The following AGBL2 variants were observed in gnomAD, a reference collection of about 807,000 sequenced individuals.
The protein encoded by AGBL2 is cytosolic carboxypeptidase 2.
A neutral mutation model predicts 103.0 loss-of-function variants in AGBL2; 87 were observed. The ratio of observed to expected loss-of-function variants is 0.84; its 90% CI spans 0.71 to 1.01. The LOEUF (loss-of-function observed/expected upper bound fraction) is 1.01. AGBL2 is among the 50% of genes least tolerant of loss of function. AGBL2 has a pLI of 0.00. For missense variants in AGBL2, 904 were observed against 1,023.5 expected, an observed-to-expected ratio of 0.88 and a Z score of 1.59; for synonymous variants, 335 against 356.7, an observed-to-expected ratio of 0.94 and a Z score of 0.69.
chr11:47,683,770 C>A lies in AGBL2; in HGVS notation c.1789-1675G>T, dbSNP rs762774971. ...TGGGAGACAGAGTGAGACTCCATCT[C>A]AAAAAAAAAAAAAATTAAAATACTT... On this transcript the variant is annotated intron_variant, in intron 11 of 18. Transcript: ENST00000525123. Among the ~76,000 whole-genome samples, 498 of 127,550 alleles carry A rather than the reference C, an allele frequency of 3.9e-3. 2 individuals carry two copies. Among genetic ancestry groups the A allele is most frequent in the Non-Finnish European group, 5.9e-3 (352 of 59,810 alleles). The allele number at this position is 127,550 out of a possible 152,430, so 83.7% of individuals were successfully genotyped here.
chr11:47,693,176 C>CT (rs528422267), intron 8 of AGBL2, among the ~76,000 whole-genome samples: 17 of 151,028 alleles, frequency 1.1e-4, no homozygotes, highest in African/African-American at 3.4e-4. Flanking sequence ...TCCTTCCTTC[C>CT]TTTTTTTGAC....
intron 7 of AGBL2, among the ~76,000 whole-genome samples, chr11:47,700,974 T>C (rs2097496483): frequency 1.3e-5 from 2 of 150,312 alleles, no homozygotes; most frequent in African/African-American, 4.9e-5. Flanking sequence ...CAGAATTGCT[T>C]GAACCCAGGA....
chr11:47,667,633 G>A lies in AGBL2; in HGVS notation c.2278C>T (p.Arg760Ter), dbSNP rs377064786. The A allele has an allele frequency of 1.2e-5, 19 of 1,613,080 alleles. No homozygotes were observed. The highest frequency in any genetic ancestry group is 2.2e-5 in the South Asian group (2 of 91,060). ...KKKSLQTRKQ[R>*]NEQYQKKNLM... ...TTTTTTTTCTGATACTGCTCATTTC[G>A]CTGTTTCCTAGTCTGAAGTGACTTC... is the stretch of plus-strand genomic sequence containing the variant. Residue 760 changes from arginine to a stop codon, truncating the protein, a stop_gained, in exon 16 of 19, where the codon CGA becomes TGA. Coordinates refer to ENST00000525123, the MANE Select transcript of AGBL2 (RefSeq NM_024783.4). LOFTEE classifies it high-confidence loss of function.
At chr11:47,673,935 A>T (rs2097365691) in intron 14 of AGBL2, among the ~76,000 whole-genome samples, 1 of 149,986 alleles carries the variant, frequency 6.7e-6, no homozygotes, top group Non-Finnish European at 1.5e-5. Flanking sequence ...CCGCATCTCT[A>T]CTAAAAATTA....
chr11:47,680,322 TGG>T (rs1340238775), intron 12 of AGBL2, among the ~76,000 whole-genome samples: 31 of 151,854 alleles, frequency 2.0e-4, no homozygotes, highest in African/African-American at 7.0e-4. Flanking sequence ...GGCGTGGTGG[TGG>T]GCGCCTGTAG....
intron 4 of AGBL2, among the ~76,000 whole-genome samples, chr11:47,706,193 G>A (rs1331869826): frequency 1.3e-5 from 2 of 152,038 alleles, no homozygotes; most frequent in South Asian, 2.1e-4. Flanking sequence ...AGGCCAAGGC[G>A]GGCGGATTAC....
chr11:47,697,921 C>T (rs190847523), intron 8 of AGBL2, among the ~76,000 whole-genome samples: 3 of 149,620 alleles, frequency 2.0e-5, no homozygotes, highest in Non-Finnish European at 4.4e-5. Flanking sequence ...AGTGCAGTGG[C>T]GCCATCTTGG....
chr11:47,683,928 TAA>T (rs542131374), intron 11 of AGBL2, among the ~76,000 whole-genome samples: 63 of 129,108 alleles, frequency 4.9e-4, no homozygotes, highest in Middle Eastern at 7.7e-3. Context: ...CTGTCTCTAT[TAA>T]AAAAAAAAAA....
intron 10 of AGBL2, among the ~76,000 whole-genome samples, chr11:47,689,107 T>C (rs1476677061): frequency 5.3e-5 from 8 of 152,082 alleles, no homozygotes; most frequent in Admixed American, 5.3e-4. Flanking sequence ...GCTATTACAT[T>C]ATAGCCTTCA....
rs749110562 is a variant in AGBL2 at position 47,714,614 on chromosome 11, C to G, written c.33+4G>C. ...TTCTGTGGCTTTCCGTGTTGTGTAC[C>G]GACCTGCTTTAGGTGCGTTTCCAAA... On this transcript the variant is annotated splice_donor_region_variant and intron_variant, in intron 2 of 18. Transcript: ENST00000525123. 21 of 1,613,584 alleles carry G rather than the reference C, an allele frequency of 1.3e-5. No homozygotes were observed. In the South Asian group the frequency reaches 2.3e-4, roughly 18 times the overall value.
intron 17 of AGBL2, among the ~76,000 whole-genome samples, chr11:47,663,407 C>G (rs986156669): frequency 2.0e-4 from 30 of 152,110 alleles, no homozygotes; most frequent in African/African-American, 7.0e-4. Context: ...ACTTAGTAAC[C>G]CCAGGGTGGT....
At chr11:47,698,874 T>C (rs1016609806) in intron 8 of AGBL2, among the ~76,000 whole-genome samples, 1 of 149,552 alleles carries the variant, frequency 6.7e-6, no homozygotes, top group African/African-American at 2.5e-5. Context: ...TTTACATGTA[T>C]AAAAACTTCC....
intron 8 of AGBL2, among the ~76,000 whole-genome samples, chr11:47,695,149 C>CA (rs1417890157): frequency 2.0e-5 from 3 of 148,684 alleles, no homozygotes; most frequent in African/African-American, 7.4e-5. Flanking sequence ...GACTCCGTCT[C>CA]AAAAAACAAA....
intron 4 of AGBL2, among the ~76,000 whole-genome samples, chr11:47,708,885 G>A (rs1292853493): frequency 6.6e-6 from 1 of 152,102 alleles, no homozygotes; most frequent in African/African-American, 2.4e-5. Context: ...ACTTTGGGAG[G>A]CTGAGGTGGG....
intron 10 of AGBL2, among the ~76,000 whole-genome samples, chr11:47,686,654 T>C (rs750958469): frequency 2.6e-5 from 4 of 151,756 alleles, no homozygotes; most frequent in African/African-American, 4.8e-5. Flanking sequence ...GCACAAGATC[T>C]GGTTGTTTAA....
chr11:47,660,847 C>T (rs550105898), intron 18 of AGBL2, among the ~76,000 whole-genome samples: 3 of 152,240 alleles, frequency 2.0e-5, no homozygotes, highest in South Asian at 4.1e-4. Context: ...TGAGCCACCA[C>T]GCCGGCCAAC....
intron 3 of AGBL2, among the ~76,000 whole-genome samples, chr11:47,712,995 T>C (rs954062489): frequency 6.6e-6 from 1 of 151,496 alleles, no homozygotes; most frequent in Non-Finnish European, 1.5e-5. Context: ...CAAGCCTAGA[T>C]TGCACCACTG....
chr11:47,685,846 T>G, intron 11 of AGBL2, 47 bp downstream of exon 11: 1 of 1,570,500 alleles, frequency 6.4e-7, no homozygotes, highest in Non-Finnish European at 8.7e-7. Context: ...AGCAGTGAGT[T>G]CCCATGTCCC....
chr11:47,690,528 T>A lies in AGBL2; in HGVS notation c.1179A>T (p.Ala393=). 6.2e-7 allele frequency: 1 copy of A among 1,614,154 alleles called. No individual in the cohort carries two copies. The highest frequency in any genetic ancestry group is 8.5e-7 in the Non-Finnish European group (1 of 1,180,038). ...FPYDQDTCFF[A]HFYPYTYTDL... ...CAGTGTATGTATATGGGTAGAAGTGTGCAAAGAAGCAAGTGTCCTGGTCAT... is the reference window on the plus strand; with the variant it reads ...CAGTGTATGTATATGGGTAGAAGTGAGCAAAGAAGCAAGTGTCCTGGTCAT... Residue 393 remains alanine (A), a synonymous_variant, in exon 10 of 19, where the codon GCA becomes GCT. Transcript: ENST00000525123.
Sources: allele counts gnomAD v4.1 joint callset (sites outside exome capture counted in the v4.1 genomes callset), GRCh38; gene constraint gnomAD v4.1.1; transcripts MANE v1.5; gene names NCBI Gene and HGNC (gene_info 2026-07-23, HGNC 2026-07-21).